Variants in HMGCLL1 observed in about 807,000 individuals in gnomAD.
HMGCLL1 encodes the protein 3-hydroxymethyl-3-methylglutaryl-CoA lyase, cytoplasmic.
A neutral mutation model predicts 39.1 loss-of-function variants in HMGCLL1; 36 were observed. That is an observed-to-expected ratio of 0.92 (90% confidence interval 0.71 to 1.22). HMGCLL1 has a LOEUF of 1.22. HMGCLL1 is among the 50% of genes most tolerant of loss of function. The pLI, the probability that HMGCLL1 is intolerant of heterozygous loss-of-function variation, is 0.00. For synonymous variants in HMGCLL1, 149 were observed against 144.0 expected, an observed-to-expected ratio of 1.03 and a Z score of -0.25; for missense variants, 451 against 416.5, an observed-to-expected ratio of 1.08 and a Z score of -0.72.
At chr6:55,546,326 G>A (rs1769972933) in intron 1 of HMGCLL1, among the ~76,000 whole-genome samples, 1 of 151,944 alleles carries the variant, frequency 6.6e-6, no homozygotes, top group South Asian at 2.1e-4. Context: ...TTTTCATAAC[G>A]TTTTGTAGAA....
chr6:55,646,541 TC>T, the HMGCLL1 span, among the ~76,000 whole-genome samples: 16 of 152,046 alleles, frequency 1.1e-4, no homozygotes, highest in East Asian at 3.1e-3. Flanking sequence ...ACTATAAATT[TC>T]CCTCTTAGTA....
At chr6:55,560,571 T>G (rs1240654917) in intron 1 of HMGCLL1, among the ~76,000 whole-genome samples, 1 of 152,084 alleles carries the variant, frequency 6.6e-6, no homozygotes, top group Non-Finnish European at 1.5e-5. Flanking sequence ...CTTCCTTCCC[T>G]CCCTCACATC....
At chr6:55,539,799 G>T (rs368907391) in intron 3 of HMGCLL1, among the ~76,000 whole-genome samples, 1 of 145,638 alleles carries the variant, frequency 6.9e-6, no homozygotes, top group Non-Finnish European at 1.5e-5. Flanking sequence ...ACAAAATCCC[G>T]TGACAGATGT....
chr6:55,435,519 T>C lies in HMGCLL1; in HGVS notation c.*143A>G, dbSNP rs1429222266. ...CATTTTGTTGACTTAATCTATCCAG[T>C]TATAATCTTTTTGAAAAGGATCTCT... On this transcript the variant is annotated 3_prime_UTR_variant, in exon 9 of 9. Coordinates refer to ENST00000274901, the MANE Select transcript of HMGCLL1 (RefSeq NM_001042406.2). The C allele has an allele frequency of 4.5e-6, 2 of 447,312 alleles. No individual in the cohort carries two copies. The highest frequency in any genetic ancestry group is 8.1e-6 in the Non-Finnish European group (2 of 247,542). 27.7% of individuals were successfully genotyped at this position (447,312 alleles called of 1,614,324 possible).
At chr6:55,576,992 A>G in intron 1 of HMGCLL1, 1 of 1,554,942 alleles carries the variant, frequency 6.4e-7, no homozygotes, top group Admixed American at 1.7e-5. Context: ...TGGTACACAA[A>G]CAGTAATCAA....
intron 7 of HMGCLL1, among the ~76,000 whole-genome samples, chr6:55,457,384 T>A (rs1040324947): frequency 6.6e-6 from 1 of 152,110 alleles, no homozygotes; most frequent in Non-Finnish European, 1.5e-5. Context: ...AATAAATAAA[T>A]AAATACACAC....
At chr6:55,650,098 T>TATATATATATATATATACACACATATAC in the HMGCLL1 span, among the ~76,000 whole-genome samples, 1 of 23,336 alleles carries the variant, frequency 4.3e-5, no homozygotes, top group Non-Finnish European at 6.9e-5. Flanking sequence ...TACATATATA[T>TATATATATATATATATACACACATATAC]ATATATATAT....
chr6:55,582,894 C>T (rs1159970407), upstream of HMGCLL1, among the ~76,000 whole-genome samples: 3 of 151,944 alleles, frequency 2.0e-5, no homozygotes, highest in African/African-American at 7.3e-5. Context: ...TACACATACA[C>T]ACATATAATC....
At chr6:55,492,583 G>A (rs760242351) in intron 7 of HMGCLL1, among the ~76,000 whole-genome samples, 6 of 152,176 alleles carry the variant, frequency 3.9e-5, no homozygotes, top group Admixed American at 1.3e-4. Flanking sequence ...ATATCAATGC[G>A]TTTATCAAAC....
chr6:55,555,394 C>G (rs907672625), intron 1 of HMGCLL1, among the ~76,000 whole-genome samples: 2 of 152,312 alleles, frequency 1.3e-5, no homozygotes, highest in South Asian at 4.1e-4. Context: ...ACTCTCTACT[C>G]CCCTTACTCT....
At chr6:55,587,949 ATAATGGGAGACTT>A in the HMGCLL1 span, among the ~76,000 whole-genome samples, 1 of 152,178 alleles carries the variant, frequency 6.6e-6, no homozygotes, top group Non-Finnish European at 1.5e-5. Context: ...CCACACAATA[ATAATGGGAGACTT>A]TAACACCGCA....
At chr6:55,644,630 T>C in the HMGCLL1 span, among the ~76,000 whole-genome samples, 141,166 of 152,076 alleles carry the variant, frequency 0.93, 65,725 homozygotes, top group Non-Finnish European at 0.97. Context: ...ATCCAGTTTT[T>C]CCATCATTGT....
At chr6:55,548,555 T>C (rs1770123365) in intron 1 of HMGCLL1, among the ~76,000 whole-genome samples, 1 of 152,038 alleles carries the variant, frequency 6.6e-6, no homozygotes, top group African/African-American at 2.4e-5. Flanking sequence ...AAATTGTTTA[T>C]TCAAATTTTT....
chr6:55,653,837 T>C, the HMGCLL1 span, among the ~76,000 whole-genome samples: 1 of 151,948 alleles, frequency 6.6e-6, no homozygotes, highest in Non-Finnish European at 1.5e-5. Context: ...TGATTACAAA[T>C]GAGGCACAGT....
At chr6:55,602,826 A>C in the HMGCLL1 span, among the ~76,000 whole-genome samples, 2 of 152,100 alleles carry the variant, frequency 1.3e-5, no homozygotes, top group African/African-American at 2.4e-5. Context: ...ATACATATAA[A>C]AGTTGAGATC....
chr6:55,517,010 T>C (rs1218814737), intron 3 of HMGCLL1, among the ~76,000 whole-genome samples: 3 of 152,128 alleles, frequency 2.0e-5, no homozygotes, highest in African/African-American at 7.2e-5. Flanking sequence ...TTTCAGTGTA[T>C]GAAATTTTAC....
At chr6:55,539,286 A>G (rs2127454560) in intron 3 of HMGCLL1, among the ~76,000 whole-genome samples, 1 of 152,218 alleles carries the variant, frequency 6.6e-6, no homozygotes, top group South Asian at 2.1e-4. Context: ...TTAGAATGTG[A>G]CTTTTTGACC....
chr6:55,479,746 T>A (rs1348657499), intron 7 of HMGCLL1, among the ~76,000 whole-genome samples: 3 of 151,670 alleles, frequency 2.0e-5, no homozygotes, highest in African/African-American at 7.3e-5. Flanking sequence ...AAGCAGAAAG[T>A]TAATAGCAAA....
chr6:55,468,293 C>T (rs529691459), intron 7 of HMGCLL1, among the ~76,000 whole-genome samples: 30 of 152,054 alleles, frequency 2.0e-4, no homozygotes, highest in Non-Finnish European at 4.1e-4. Context: ...CAAATACAAA[C>T]ACGTCCCATC....
Sources: gnomAD v4.1 joint callset for allele counts (sites outside exome capture counted in the v4.1 genomes callset) on GRCh38, gnomAD v4.1.1 for gene constraint, MANE v1.5 for transcripts, NCBI Gene and HGNC (gene_info 2026-07-23, HGNC 2026-07-21) for gene names.